The following FSIP1 variants were observed in gnomAD, a reference collection of about 807,000 sequenced individuals.
FSIP1 encodes fibrous sheath-interacting protein 1.
Under a neutral mutation model 60.9 loss-of-function variants are expected in FSIP1, and 65 were observed. That is an observed-to-expected ratio of 1.07 (90% confidence interval 0.87 to 1.31). FSIP1 has a LOEUF of 1.31. Among genes scored for constraint, FSIP1 ranks in the 40% most tolerant of loss-of-function variants. The pLI is 0.00. For synonymous variants in FSIP1, 209 were observed against 221.2 expected (o/e 0.94, Z 0.49); for missense variants, 675 against 665.5 (o/e 1.01, Z -0.16).
At chr15:39,651,437 T>C (rs185286967) in intron 10 of FSIP1, among the ~76,000 whole-genome samples, 2 of 152,226 alleles carry the variant, frequency 1.3e-5, no homozygotes, top group African/African-American at 4.8e-5. Context: ...TAGATAAATA[T>C]GACATCTGGT....
chr15:39,614,487 T>C (rs928707120), intron 11 of FSIP1, among the ~76,000 whole-genome samples: 7 of 151,996 alleles, frequency 4.6e-5, no homozygotes, highest in African/African-American at 1.2e-4. Flanking sequence ...CTACTAAAGA[T>C]AGAAAAAATT....
At chr15:39,744,120 G>C (rs1896901524) in intron 5 of FSIP1, among the ~76,000 whole-genome samples, 1 of 152,162 alleles carries the variant, frequency 6.6e-6, no homozygotes, top group Non-Finnish European at 1.5e-5. Flanking sequence ...TGTGTGGAGA[G>C]GGAAAGAGAA....
At chr15:39,636,577 G>A (rs1248004915) in intron 10 of FSIP1, among the ~76,000 whole-genome samples, 1 of 152,172 alleles carries the variant, frequency 6.6e-6, no homozygotes, top group Non-Finnish European at 1.5e-5. Context: ...GCTCTAACTG[G>A]CAAGGGTGGA....
intron 5 of FSIP1, among the ~76,000 whole-genome samples, chr15:39,744,688 G>A (rs1896926203): frequency 7.1e-6 from 1 of 140,046 alleles, no homozygotes; most frequent in Non-Finnish European, 1.7e-5. Flanking sequence ...GACAAGCAAA[G>A]GCAGTGTGGC....
intron 10 of FSIP1, among the ~76,000 whole-genome samples, chr15:39,641,656 C>T (rs1404114358): frequency 6.7e-6 from 1 of 148,938 alleles, no homozygotes; most frequent in Non-Finnish European, 1.5e-5. Flanking sequence ...TTCAGAGGTT[C>T]ATTGCATGAA....
intron 11 of FSIP1, among the ~76,000 whole-genome samples, chr15:39,616,289 G>A (rs1323826706): frequency 6.6e-6 from 1 of 152,104 alleles, no homozygotes; most frequent in Non-Finnish European, 1.5e-5. Flanking sequence ...TTATTAAACA[G>A]GCACTTGGCT....
At chr15:39,737,795 G>A (rs1211564509) in intron 8 of FSIP1, among the ~76,000 whole-genome samples, 6 of 152,082 alleles carry the variant, frequency 3.9e-5, no homozygotes, top group Admixed American at 3.9e-4. Flanking sequence ...GTACTCATTA[G>A]TTATTTTTCC....
At chr15:39,630,878 C>T (rs1245771451) in intron 10 of FSIP1, among the ~76,000 whole-genome samples, 1 of 152,202 alleles carries the variant, frequency 6.6e-6, no homozygotes, top group African/African-American at 2.4e-5. Flanking sequence ...AATGTGATAC[C>T]ACAGAGCAGC....
intron 10 of FSIP1, among the ~76,000 whole-genome samples, chr15:39,634,031 T>C (rs1390327370): frequency 6.6e-6 from 1 of 152,148 alleles, no homozygotes. Flanking sequence ...CCATCCCTCA[T>C]GTCACTAAAC....
In FSIP1 at chr15:39,763,726, A is replaced by G; in HGVS notation, c.559+95T>C. 1.7e-5 allele frequency: 12 copies of G among 710,170 alleles called. No individual in the cohort carries two copies. In the South Asian group the frequency reaches 2.0e-4, roughly 12 times the overall value. 44.0% of individuals were successfully genotyped at this position (710,170 alleles called of 1,614,324 possible). A position where few individuals can be genotyped will look rare whatever the true frequency, so the allele number is the denominator to read the frequency against. ...TAAAGAACAGTCAAACTCACAAAGA[A>G]CAGGACAGAAAAACTGGATTGGGAA... On this transcript the variant is annotated intron_variant, in intron 5 of 11. Coordinates refer to ENST00000350221, the MANE Select transcript of FSIP1 (RefSeq NM_152597.5).
At chr15:39,667,290 T>C (rs186161987) in intron 10 of FSIP1, among the ~76,000 whole-genome samples, 2 of 152,182 alleles carry the variant, frequency 1.3e-5, no homozygotes, top group East Asian at 1.9e-4. Context: ...CACTATAATA[T>C]CATGAAGAGT....
chr15:39,738,015 A>G, intron 8 of FSIP1, 76 bp downstream of exon 8: 1 of 832,356 alleles, frequency 1.2e-6, no homozygotes, highest in South Asian at 2.3e-5. Flanking sequence ...TTGTAAATTT[A>G]TGATACTGGG....
At chr15:39,619,605 G>A (rs1303616128) in intron 10 of FSIP1, among the ~76,000 whole-genome samples, 1 of 152,160 alleles carries the variant, frequency 6.6e-6, no homozygotes, top group Admixed American at 6.5e-5. Flanking sequence ...CAGGAATCCA[G>A]ATATAGTATT....
intron 1 of FSIP1, among the ~76,000 whole-genome samples, chr15:39,778,057 G>A (rs2029584): frequency 0.42 from 64,020 of 151,974 alleles, 14,284 homozygotes; most frequent in Admixed American, 0.5. Context: ...CATCTCAGCA[G>A]ATGAAAAAAG....
At chr15:39,725,667 T>C (rs535343405) in intron 9 of FSIP1, among the ~76,000 whole-genome samples, 45 of 152,220 alleles carry the variant, frequency 3.0e-4, no homozygotes, top group Admixed American at 7.9e-4. Context: ...ATTACTCTCT[T>C]ATGCAATCAG....
At chr15:39,681,262 CA>C (rs1326883522) in intron 10 of FSIP1, among the ~76,000 whole-genome samples, 1 of 151,892 alleles carries the variant, frequency 6.6e-6, no homozygotes, top group East Asian at 1.9e-4. Flanking sequence ...AGTTATACAC[CA>C]AAAGGTTTAT....
intron 2 of FSIP1, among the ~76,000 whole-genome samples, chr15:39,771,894 G>A (rs1897900538): frequency 6.6e-6 from 1 of 152,106 alleles, no homozygotes; most frequent in Non-Finnish European, 1.5e-5. Flanking sequence ...AACATTTCTG[G>A]GAGAAGTCAC....
At chr15:39,649,268 A>T (rs1171872216) in intron 10 of FSIP1, among the ~76,000 whole-genome samples, 1 of 152,242 alleles carries the variant, frequency 6.6e-6, no homozygotes, top group Non-Finnish European at 1.5e-5. Context: ...CCACTCCAGG[A>T]ACTCTAGCTG....
rs574043512 is a variant in FSIP1 at position 39,780,393 on chromosome 15, T to C, written c.-8+2235A>G. Among the ~76,000 whole-genome samples, 23 of 152,150 alleles carry C rather than the reference T, an allele frequency of 1.5e-4. No individual in the cohort carries two copies. The East Asian group carries it at 1.5e-3, about 10-fold the overall frequency. The stretch of plus-strand genomic sequence containing the variant: ...CAAAAAAATTAGCCGGGAGTGGTGA[T>C]GGGCGCCTGTAGTCCCAGCTACTCG... On this transcript the variant is annotated intron_variant, in intron 1 of 11. Coordinates refer to ENST00000350221, the MANE Select transcript of FSIP1 (RefSeq NM_152597.5).
Sources: allele counts gnomAD v4.1 joint callset (sites outside exome capture counted in the v4.1 genomes callset), GRCh38; gene constraint gnomAD v4.1.1; transcripts MANE v1.5; gene names NCBI Gene and HGNC (gene_info 2026-07-23, HGNC 2026-07-21).